RGSL1: variants seen among roughly 807,000 people sequenced by gnomAD.
RGSL1 encodes the protein regulator of G protein signaling protein-like.
A neutral mutation model predicts 124.7 loss-of-function variants in RGSL1; 97 were observed. The observed-to-expected ratio is 0.78, with a 90% confidence interval of 0.66 to 0.92. RGSL1 has a LOEUF of 0.92. Ranked by LOEUF, RGSL1 falls within the 40% of genes least tolerant of loss-of-function variation. RGSL1 has a pLI of 0.00. For synonymous variants in RGSL1, 424 were observed against 438.1 expected, an observed-to-expected ratio of 0.97 and a Z score of 0.40; for missense variants, 1,233 against 1,288.4, an observed-to-expected ratio of 0.96 and a Z score of 0.66.
intron 13 of RGSL1, 31 bp from the exon 14 acceptor site, chr1:182,532,631 G>A (rs1248727393): frequency 3.6e-5 from 55 of 1,546,540 alleles, no homozygotes; most frequent in Non-Finnish European, 4.5e-5. Context: ...CCATACTAAT[G>A]AACATGTTAT....
chr1:182,452,312 G>T (rs1052557798), intron 1 of RGSL1, among the ~76,000 whole-genome samples: 1 of 152,154 alleles, frequency 6.6e-6, no homozygotes. Flanking sequence ...ATCAAGGACT[G>T]CTTATAAAAA....
At chr1:182,493,947 T>G (rs559160889) in intron 9 of RGSL1, among the ~76,000 whole-genome samples, 1 of 152,304 alleles carries the variant, frequency 6.6e-6, no homozygotes, top group Middle Eastern at 3.4e-3. Context: ...GAAACGTATT[T>G]GAGAAAGGCA....
chr1:182,478,597 G>A (rs2102056498), intron 6 of RGSL1, among the ~76,000 whole-genome samples: 1 of 152,154 alleles, frequency 6.6e-6, no homozygotes, highest in African/African-American at 2.4e-5. Context: ...AGGACTTATG[G>A]GACACCATCA....
intron 9 of RGSL1, among the ~76,000 whole-genome samples, chr1:182,515,425 A>G (rs1657791235): frequency 6.6e-6 from 1 of 151,822 alleles, no homozygotes; most frequent in Non-Finnish European, 1.5e-5. Context: ...GGATCTGTTT[A>G]GATTAAGTCT....
At chr1:182,549,607 CT>C (rs906113925) in intron 17 of RGSL1, 2 of 152,074 alleles carry the variant, frequency 1.3e-5, no homozygotes, top group Non-Finnish European at 2.9e-5. Context: ...CAGAGGACAC[CT>C]GGCTGAAATG....
In RGSL1 at chr1:182,456,159, G is replaced by A. The variant is rs76429951; in HGVS notation, c.96+2119G>A. Among the ~76,000 whole-genome samples the A allele has an allele frequency of 7.5e-3, 1,138 of 152,256 alleles. 9 individuals carry two copies. The highest frequency in any genetic ancestry group is 0.026 in the African/African-American group (1,086 of 41,538). The stretch of plus-strand genomic sequence containing the variant: ...AAGGAAGCAAGGGTAACAGGCTTGG[G>A]TGCTTGGATGGATGGTGGTGTCAGG... On this transcript the variant is annotated intron_variant, in intron 2 of 21. Coordinates refer to ENST00000294854, the MANE Select transcript of RGSL1 (RefSeq NM_001137669.2).
intron 3 of RGSL1, among the ~76,000 whole-genome samples, 152 bp from the exon 4 acceptor site, chr1:182,459,852 C>T (rs971942663): frequency 1.3e-5 from 2 of 152,160 alleles, no homozygotes; most frequent in Non-Finnish European, 2.9e-5. Flanking sequence ...AGTCCAGGTT[C>T]CAGGTTTATA....
At chr1:182,472,334 A>G (rs1403096679) in intron 4 of RGSL1, 62 bp from the exon 5 acceptor site, 8 of 1,454,332 alleles carry the variant, frequency 5.5e-6, no homozygotes, top group Non-Finnish European at 7.4e-6. Flanking sequence ...ATTCACCCAG[A>G]TGCAACCACC....
chr1:182,477,100 A>T (rs1031816958), intron 6 of RGSL1, among the ~76,000 whole-genome samples: 2 of 152,196 alleles, frequency 1.3e-5, no homozygotes, highest in African/African-American at 4.8e-5. Context: ...ATCCACAGAA[A>T]AAAGTGCCTT....
chr1:182,493,509 A>C lies in RGSL1; in HGVS notation c.1825+380A>C, dbSNP rs115154712. ...TGGGAATAATACCTCTAAGAGAGTG[A>C]GGAAGGCAGGATTGGGGAGAGGTAG... is the stretch of plus-strand genomic sequence containing the variant. On this transcript the variant is annotated intron_variant, in intron 9 of 21. Transcript: ENST00000294854. 7.7e-3 allele frequency among the ~76,000 whole-genome samples: 1,168 copies of C among 152,328 alleles called. 20 individuals are homozygous for C. The highest frequency in any genetic ancestry group is 0.025 in the African/African-American group (1,038 of 41,564).
At position 182,540,200 on chromosome 1, in the gene RGSL1, G is replaced by A. The variant is rs762882370; in HGVS notation, c.2495-47G>A. On this transcript the variant is annotated intron_variant, in intron 14 of 21. Coordinates refer to ENST00000294854, the MANE Select transcript of RGSL1 (RefSeq NM_001137669.2). ...TGTTATGCCCAGGTTGAGGGTAAGA[G>A]TGACTTGATCAAACAAAATTGTAAT... is the stretch of plus-strand genomic sequence containing the variant. 17 of 1,496,244 alleles carry A rather than the reference G, an allele frequency of 1.1e-5. No individual in the cohort carries two copies. In the East Asian group the frequency reaches 4.0e-4, roughly 36 times the overall value. 92.7% of individuals were successfully genotyped at this position (1,496,244 alleles called of 1,614,324 possible).
chr1:182,473,274 C>T (rs755844914), intron 5 of RGSL1, among the ~76,000 whole-genome samples: 10 of 152,144 alleles, frequency 6.6e-5, no homozygotes, highest in Non-Finnish European at 1.3e-4. Flanking sequence ...TGTTCTTAAT[C>T]GTTTTTCTTG....
intron 21 of RGSL1, among the ~76,000 whole-genome samples, chr1:182,556,885 A>G (rs149335055): frequency 6.0e-4 from 92 of 152,334 alleles, no homozygotes; most frequent in African/African-American, 2.1e-3. Flanking sequence ...CACCTGAGGT[A>G]ACTGAGGACA....
At chr1:182,506,983 C>CTTTTTTTTTT (rs71127304) in intron 9 of RGSL1, among the ~76,000 whole-genome samples, 1 of 99,406 alleles carries the variant, frequency 1.0e-5, no homozygotes, top group African/African-American at 3.9e-5. Context: ...GCTCACCTTT[C>CTTTTTTTTTT]TTTTTTTTTT....
intron 20 of RGSL1, chr1:182,555,335 T>C (rs911985815): frequency 1.3e-5 from 2 of 154,464 alleles, no homozygotes; most frequent in African/African-American, 4.8e-5. Flanking sequence ...TATGACTGTT[T>C]AGTATTACAT....
chr1:182,474,712 G>A (rs148741539), intron 6 of RGSL1, among the ~76,000 whole-genome samples, 170 bp downstream of exon 6: 205 of 152,258 alleles, frequency 1.3e-3, no homozygotes, highest in African/African-American at 4.8e-3. Flanking sequence ...CAGCCCCTGG[G>A]CCGCAAATCT....
rs1481191220 is a variant in RGSL1, at chr1:182,488,500, C to T, written c.1494+153C>T. 6 of 731,550 alleles carry T rather than the reference C, an allele frequency of 8.2e-6. No individual in the cohort carries two copies. In the East Asian group the frequency reaches 1.4e-4, roughly 17 times the overall value. The allele number at this position is 731,550 out of a possible 1,614,324, so 45.3% of individuals were successfully genotyped here. Reference sequence around the variant, plus strand: ...CAGCATGGTCCCTGTTGTTCTAAAGCTAAACCTCTCAAGGAAAAGGACTCA... The same window carrying T: ...CAGCATGGTCCCTGTTGTTCTAAAGTTAAACCTCTCAAGGAAAAGGACTCA... On this transcript the variant is annotated intron_variant, in intron 7 of 21. Transcript: ENST00000294854.
At position 182,540,286 on chromosome 1, in the gene RGSL1, C is replaced by T. The variant is rs867638563; in HGVS notation, c.2534C>T (p.Pro845Leu). ...CACAACACATCGGGACGTTCAGCTC[C>T]ACCCTCCACAAATGTCCGGAGTGCA... ...TAHNTSGRSA[P>L]PSTNVRSADQ... Residue 845 changes from proline to leucine, a missense_variant, in exon 15 of 22, where the codon CCA (proline) becomes CTA (leucine). Coordinates refer to ENST00000294854, the MANE Select transcript of RGSL1 (RefSeq NM_001137669.2). 6.4e-7 allele frequency: 1 copy of T among 1,551,404 alleles called. No homozygotes were observed.
chr1:182,502,368 G>C (rs1308849695), intron 9 of RGSL1, among the ~76,000 whole-genome samples: 1 of 152,104 alleles, frequency 6.6e-6, no homozygotes, highest in African/African-American at 2.4e-5. Context: ...CTTGAACCTA[G>C]GAGTTTGAGA....
Sources: allele counts gnomAD v4.1 joint callset (sites outside exome capture counted in the v4.1 genomes callset), GRCh38; gene constraint gnomAD v4.1.1; transcripts MANE v1.5; gene names NCBI Gene and HGNC (gene_info 2026-07-23, HGNC 2026-07-21).